GOLGA3: variants seen among roughly 807,000 people sequenced by gnomAD.
GOLGA3 encodes golgin subfamily A member 3.
GOLGA3 carries 75 observed loss-of-function variants against 169.4 expected under a neutral mutation model. That is an observed-to-expected ratio of 0.44 (90% CI 0.37 to 0.54). The LOEUF (loss-of-function observed/expected upper bound fraction) is 0.54, where lower values mean the gene tolerates loss of function less well. GOLGA3 is among the 20% of genes least tolerant of loss of function. The probability of loss-of-function intolerance (pLI) is 0.00; values close to 1 mark genes in which losing one functional copy is unlikely to be tolerated. For missense variants in GOLGA3, 1,899 were observed against 1,930.0 expected (o/e 0.98, Z 0.30); for synonymous variants, 824 against 822.4 (o/e 1.00, Z -0.03).
rs1460389787 is a variant in GOLGA3 at position 132,801,959 on chromosome 12, C to G, written c.1608G>C (p.Leu536=). The G allele has an allele frequency of 6.3e-7, 1 of 1,597,570 alleles. No homozygotes were observed. Reference sequence around the variant, plus strand: ...TCTGCAAGGCTGTCATCTGCTGTCGCAGGTCGTGCACTGAAATGGGGCAAG... The same window carrying G: ...TCTGCAAGGCTGTCATCTGCTGTCGGAGGTCGTGCACTGAAATGGGGCAAG... ...MLSKDNTVHD[L]RQQMTALQSQ... is the part of the protein sequence containing the mutation. Residue 536 remains leucine, a synonymous_variant, in exon 8 of 24, where the codon CTG becomes CTC. Transcript: ENST00000450791.
chr12:132,809,118 C>A (rs1949569685), intron 4 of GOLGA3, among the ~76,000 whole-genome samples: 1 of 152,198 alleles, frequency 6.6e-6, no homozygotes, highest in South Asian at 2.1e-4. Flanking sequence ...TGGACGGGGG[C>A]CCTTCCCTGC....
intron 11 of GOLGA3, among the ~76,000 whole-genome samples, chr12:132,792,856 CTG>C (rs1948628276): frequency 8.0e-6 from 1 of 124,660 alleles, no homozygotes; most frequent in Non-Finnish European, 1.7e-5. Flanking sequence ...CACACGGGAC[CTG>C]CACTCGGAGG....
At position 132,804,695 on chromosome 12, in the gene GOLGA3, C is replaced by A. The variant is rs774343498; in HGVS notation, c.1597+21G>T. ...CAGGGACCAGTCAGGGAGGGGAGGG[C>A]GTGGCCAGGGCCAGCCTCACCTGTG... On this transcript the variant is annotated intron_variant, in intron 7 of 23. Transcript: ENST00000450791. The surrounding 1 kb of genome is among the most constrained non-coding windows in gnomAD (Gnocchi z 4.1). The A allele has an allele frequency of 2.5e-6, 4 of 1,584,858 alleles. 1 individual carries two copies. The highest frequency in any genetic ancestry group is 3.4e-5 in the Admixed American group (2 of 59,324).
rs761075442 is a variant in GOLGA3 at position 132,795,982 on chromosome 12, G to A, written c.2339C>T (p.Ala780Val). 71 of 1,613,510 alleles carry A rather than the reference G, an allele frequency of 4.4e-5. No individual in the cohort carries two copies. The highest frequency in any genetic ancestry group is 8.0e-5 in the African/African-American group (6 of 74,904). The change falls in exon 11 of 24, where the codon GCG becomes GTG. Residue 780 changes from alanine (A) to valine (V), a missense_variant. Transcript: ENST00000450791. ...LLQNEKIILE[A>V]ALQAAKSGKE... ...GCCACTCTTGGCCGCCTGCAAAGCC[G>A]CCTCCAAGATGATCTTCTCGTTCTG...
chr12:132,798,761 G>A (rs1427154062), intron 8 of GOLGA3, among the ~76,000 whole-genome samples: 1 of 152,234 alleles, frequency 6.6e-6, no homozygotes, highest in Non-Finnish European at 1.5e-5. Flanking sequence ...AGTCCCCATT[G>A]ACAAGGCATC....
chr12:132,817,380 G>A lies in GOLGA3; in HGVS notation c.134-568C>T, dbSNP rs11616015. ...CACCTCCACACTCTAAGGTGAACCC[G>A]CCCTCCACACCTCCACACTCTAACG... is the stretch of plus-strand genomic sequence containing the variant. On this transcript the variant is annotated intron_variant, in intron 2 of 23. Coordinates refer to ENST00000450791, the MANE Select transcript of GOLGA3 (RefSeq NM_001389683.1). 1.4e-3 allele frequency among the ~76,000 whole-genome samples: 2 copies of A among 1,388 alleles called. 1 individual carries two copies. The highest frequency in any genetic ancestry group is 8.3e-3 in the Non-Finnish European group (2 of 240). The allele number at this position is 1,388 out of a possible 152,430, so 0.9% of individuals were successfully genotyped here.
In GOLGA3 at chr12:132,777,163, G is replaced by A; in HGVS notation, c.3723-73C>T. 6.7e-7 allele frequency: 1 copy of A among 1,490,364 alleles called. No individual in the cohort carries two copies. Among genetic ancestry groups the A allele is most frequent in the Non-Finnish European group, 9.0e-7 (1 of 1,110,076 alleles). The allele number at this position is 1,490,364 out of a possible 1,614,324, so 92.3% of individuals were successfully genotyped here. On this transcript the variant is annotated intron_variant, in intron 19 of 23. Coordinates refer to ENST00000450791, the MANE Select transcript of GOLGA3 (RefSeq NM_001389683.1). The surrounding 1 kb of genome is among the most constrained non-coding windows in gnomAD (Gnocchi z 4.7). ...GTGCTGTGCCCTCCCGCTGGGAAATGCTGCCTGTGGAAGGCGTTCGTCCTG... is the reference window on the plus strand; with the variant it reads ...GTGCTGTGCCCTCCCGCTGGGAAATACTGCCTGTGGAAGGCGTTCGTCCTG...
At chr12:132,797,486 G>A (rs1024727519) in intron 9 of GOLGA3, among the ~76,000 whole-genome samples, 9 of 152,304 alleles carry the variant, frequency 5.9e-5, no homozygotes, top group South Asian at 2.1e-4. Flanking sequence ...CGAGGCAGGC[G>A]GATCACCTGA....
intron 11 of GOLGA3, among the ~76,000 whole-genome samples, chr12:132,792,406 TA>T (rs1200332933): frequency 3.9e-5 from 6 of 152,238 alleles, no homozygotes; most frequent in Non-Finnish European, 7.3e-5. Flanking sequence ...GCAGGGCTGT[TA>T]CAGTGACAGT....
At chr12:132,801,587 G>GC (rs1566111187) in intron 8 of GOLGA3, among the ~76,000 whole-genome samples, 180 bp downstream of exon 8, 3 of 152,102 alleles carry the variant, frequency 2.0e-5, no homozygotes, top group Non-Finnish European at 4.4e-5. Context: ...TTGGGGGGGG[G>GC]CCCACGGGAC....
chr12:132,805,697 G>A (rs575459807), intron 6 of GOLGA3, among the ~76,000 whole-genome samples: 7 of 152,264 alleles, frequency 4.6e-5, no homozygotes, highest in South Asian at 2.1e-4. Context: ...GGCCCAGGAC[G>A]CACAGGGAGC....
At chr12:132,784,635 C>T (rs543557896) in intron 15 of GOLGA3, among the ~76,000 whole-genome samples, 35 of 152,148 alleles carry the variant, frequency 2.3e-4, no homozygotes, top group Non-Finnish European at 4.1e-4. Flanking sequence ...AAATACCACA[C>T]ACATGCTCAC....
Position 132,789,090 on chromosome 12 carries a change from C to G in GOLGA3, c.2748G>C (p.Ala916=). The G allele has an allele frequency of 6.2e-7, 1 of 1,611,978 alleles. No homozygotes were observed. The highest frequency in any genetic ancestry group is 8.5e-7 in the Non-Finnish European group (1 of 1,179,208). The change falls in exon 13 of 24, where the codon GCG becomes GCC. Residue 916 remains alanine (A), a synonymous_variant. Coordinates refer to ENST00000450791, the MANE Select transcript of GOLGA3 (RefSeq NM_001389683.1). ...REVAQVRQHM[A]DLEGHLQSAQ... is the part of the protein sequence containing the mutation. ...CCGACTGGAGATGCCCTTCAAGGTC[C>G]GCCATGTGCTGACGGACCTGGGCCA... is the stretch of plus-strand genomic sequence containing the variant.
intron 15 of GOLGA3, among the ~76,000 whole-genome samples, chr12:132,785,550 C>T (rs1203012363): frequency 2.6e-5 from 4 of 152,112 alleles, no homozygotes; most frequent in African/African-American, 7.2e-5. Flanking sequence ...TGTGCTCAAG[C>T]GATCCTCCTG....
In GOLGA3 at chr12:132,796,591, C is replaced by T. The variant is rs762633000; in HGVS notation, c.2048G>A (p.Arg683Gln). The change falls in exon 10 of 24, where the codon CGG (arginine) becomes CAG (glutamine). Residue 683 changes from arginine (R) to glutamine (Q), a missense_variant. Physicochemically the swap from Arg to Gln is conservative, Grantham distance 43 (BLOSUM62 1). Transcript: ENST00000450791. The part of the protein sequence containing the change: ...RLEEFEGERE[R>Q]LQRMADSAAS... ...CGCCGAGTCCGCCATCCTCTGCAGC[C>T]GCTCCCTCTCACCTTCAAACTCTTC... is the stretch of plus-strand genomic sequence containing the variant. 7.4e-6 allele frequency: 12 copies of T among 1,613,860 alleles called. No individual in the cohort carries two copies. Among genetic ancestry groups the T allele is most frequent in the East Asian group, 4.5e-5 (2 of 44,880 alleles).
rs370510340 is a variant in GOLGA3, at chr12:132,774,191, G to C, written c.4273C>G (p.Leu1425Val). The change falls in exon 23 of 24, where the codon CTC (leucine) becomes GTC (valine). Residue 1425 changes from leucine to valine, a missense_variant. By Grantham distance (32) the Leu-to-Val change is conservative. Coordinates refer to ENST00000450791, the MANE Select transcript of GOLGA3 (RefSeq NM_001389683.1). ...TGGAGGCAGCTGTTCAGGTTCTTGA[G>C]GGGCTCCTTGCTCACGGCGGGCGGT... ...RPPPAVSKEP[L>V]KNLNSCLQQL... 4.8e-5 allele frequency: 77 copies of C among 1,611,114 alleles called. No individual in the cohort carries two copies. Among genetic ancestry groups the C allele is most frequent in the Non-Finnish European group, 6.0e-5 (71 of 1,178,668 alleles).
Position 132,798,478 on chromosome 12 carries a change from C to T in GOLGA3, c.1801-1G>A. ...GACCTGCCTGGGTCATCTGTCCAAC[C>T]TTAAAAAAAAAACCCACAAAGTAAA... On this transcript the variant is annotated splice_acceptor_variant, in intron 8 of 23. Coordinates refer to ENST00000450791, the MANE Select transcript of GOLGA3 (RefSeq NM_001389683.1). LOFTEE classifies it high-confidence loss of function. 6.3e-7 allele frequency: 1 copy of T among 1,590,230 alleles called. No homozygotes were observed. Among genetic ancestry groups the T allele is most frequent in the South Asian group, 1.2e-5 (1 of 86,358 alleles).
intron 17 of GOLGA3, among the ~76,000 whole-genome samples, chr12:132,781,284 G>A (rs530549872): frequency 2.0e-4 from 30 of 152,204 alleles, no homozygotes; most frequent in South Asian, 4.1e-4. Flanking sequence ...AGAATGGGCC[G>A]GGCGCGGTGG....
At position 132,794,786 on chromosome 12, in the gene GOLGA3, C is replaced by T. The variant is rs547775671; in HGVS notation, c.2469+1066G>A. 3.3e-5 allele frequency among the ~76,000 whole-genome samples: 5 copies of T among 152,286 alleles called. No individual in the cohort carries two copies. The East Asian group carries it at 9.6e-4, about 29-fold the overall frequency. On this transcript the variant is annotated intron_variant, in intron 11 of 23. Transcript: ENST00000450791. ...TAAACAGTAATGACCTGTCTGAGTG[C>T]CTCTTTACTAGAAAATCACTTAGTA...
Sources: gnomAD v4.1 joint callset for allele counts (sites outside exome capture counted in the v4.1 genomes callset) on GRCh38, gnomAD v4.1.1 for gene constraint, Gnocchi (gnomAD v3.1) non-coding constraint, MANE v1.5 for transcripts, NCBI Gene and HGNC (gene_info 2026-07-23, HGNC 2026-07-21) for gene names.